GALNT18: variants seen among roughly 807,000 people sequenced by gnomAD.
GALNT18 encodes polypeptide N-acetylgalactosaminyltransferase 18.
A neutral mutation model predicts 69.5 loss-of-function variants in GALNT18; 44 were observed. The ratio of observed to expected loss-of-function variants is 0.63; its 90% CI spans 0.50 to 0.81. The LOEUF is 0.81. GALNT18 is among the 40% of genes least tolerant of loss of function. The pLI is 0.00. For missense variants in GALNT18, 715 were observed against 810.0 expected (o/e 0.88, Z 1.42); for synonymous variants, 364 against 318.2 (o/e 1.14, Z -1.53).
intron 1 of GALNT18, among the ~76,000 whole-genome samples, chr11:11,539,218 G>A (rs1040080691): frequency 6.6e-6 from 1 of 152,156 alleles, no homozygotes; most frequent in Non-Finnish European, 1.5e-5. Flanking sequence ...TGCCAGTAAG[G>A]CGCCCTTCCC....
chr11:11,485,699 C>T (rs1476595500), intron 1 of GALNT18, among the ~76,000 whole-genome samples: 1 of 152,152 alleles, frequency 6.6e-6, no homozygotes, highest in African/African-American at 2.4e-5. Flanking sequence ...GTGGACCAGA[C>T]AGCAAAAGAG....
intron 1 of GALNT18, among the ~76,000 whole-genome samples, chr11:11,556,785 TAGAAAAATGTGC>T (rs1858342842): frequency 6.6e-6 from 1 of 152,214 alleles, no homozygotes; most frequent in Non-Finnish European, 1.5e-5. Flanking sequence ...TTATGAGCAA[TAGAAAAATGTGC>T]AGTAAACTAC....
chr11:11,486,452 C>A (rs1345322791), intron 1 of GALNT18, among the ~76,000 whole-genome samples: 1 of 152,218 alleles, frequency 6.6e-6, no homozygotes, highest in Non-Finnish European at 1.5e-5. Flanking sequence ...AGGAGTAGAT[C>A]TGAAAGTTAA....
intron 10 of GALNT18, among the ~76,000 whole-genome samples, chr11:11,286,632 T>A (rs58671856): frequency 0.011 from 1,744 of 152,228 alleles, 34 homozygotes; most frequent in African/African-American, 0.041. Context: ...TGAATTTTTT[T>A]AAAAAGACTC....
At position 11,447,001 on chromosome 11, in the gene GALNT18, C is replaced by T. The variant is rs868713019; in HGVS notation, c.428+1743G>A. Among the ~76,000 whole-genome samples the T allele has an allele frequency of 3.3e-4, 50 of 152,234 alleles. 1 individual carries two copies. The highest frequency in any genetic ancestry group is 1.1e-3 in the African/African-American group (45 of 41,530). ...GCATCAGGATTGTTTTTTAAGGCTCCCGTGATGTGTAGAATGGGCAGCAAG... is the reference window on the plus strand; with the variant it reads ...GCATCAGGATTGTTTTTTAAGGCTCTCGTGATGTGTAGAATGGGCAGCAAG... On this transcript the variant is annotated intron_variant, in intron 2 of 10. Transcript: ENST00000227756.
chr11:11,280,986 G>A (rs1849060431), intron 10 of GALNT18, among the ~76,000 whole-genome samples: 1 of 152,190 alleles, frequency 6.6e-6, no homozygotes, highest in Admixed American at 6.5e-5. Flanking sequence ...AAAACCCTGT[G>A]GCCTGGGCAT....
At chr11:11,426,078 G>A (rs74344524) in intron 3 of GALNT18, among the ~76,000 whole-genome samples, 3,619 of 152,260 alleles carry the variant, frequency 0.024, 125 homozygotes, top group African/African-American at 0.082. Context: ...CATGGCCTTC[G>A]AGCTGCAGAG....
intron 1 of GALNT18, among the ~76,000 whole-genome samples, chr11:11,581,458 A>G (rs1011250007): frequency 2.0e-5 from 3 of 151,964 alleles, no homozygotes. Context: ...ATTTCCTGCT[A>G]TTTTTGAGGT....
intron 8 of GALNT18, among the ~76,000 whole-genome samples, chr11:11,329,304 A>G (rs756697699): frequency 1.3e-5 from 2 of 152,004 alleles, no homozygotes; most frequent in Non-Finnish European, 2.9e-5. Context: ...GAATGCATCT[A>G]TGTGTCAGGT....
chr11:11,321,593 A>G (rs1849840319), intron 9 of GALNT18, among the ~76,000 whole-genome samples: 1 of 152,008 alleles, frequency 6.6e-6, no homozygotes, highest in South Asian at 2.1e-4. Context: ...CCAACAGTTT[A>G]TGAGTAGGTT....
At chr11:11,481,488 G>C (rs1856529264) in intron 1 of GALNT18, among the ~76,000 whole-genome samples, 1 of 152,246 alleles carries the variant, frequency 6.6e-6, no homozygotes, top group African/African-American at 2.4e-5. Context: ...TCCTGATGGT[G>C]ACACTCAGTG....
chr11:11,517,144 T>C (rs540661073), intron 1 of GALNT18, among the ~76,000 whole-genome samples: 1 of 152,360 alleles, frequency 6.6e-6, no homozygotes, highest in Admixed American at 6.5e-5. Flanking sequence ...GCTTTGATCT[T>C]GGACTTCCAG....
At chr11:11,572,118 T>G (rs1437266519) in intron 1 of GALNT18, among the ~76,000 whole-genome samples, 1 of 152,266 alleles carries the variant, frequency 6.6e-6, no homozygotes, top group African/African-American at 2.4e-5. Context: ...CAAGCAGGCC[T>G]GTGCCGCAGG....
rs1854137855 is a variant in GALNT18 at position 11,389,697 on chromosome 11, G to C, written c.596-10433C>G. Among the ~76,000 whole-genome samples the C allele has an allele frequency of 6.6e-6, 1 of 152,142 alleles. No homozygotes were observed. The highest frequency in any genetic ancestry group is 1.5e-5 in the Non-Finnish European group (1 of 68,030). ...GTCCTCCCATGAGCTTCTAGGGAGG[G>C]CGTACCAAGAACTCAAAGCCTTGGG... On this transcript the variant is annotated intron_variant, in intron 3 of 10. Coordinates refer to ENST00000227756, the MANE Select transcript of GALNT18 (RefSeq NM_198516.3). The surrounding 1 kb of genome is among the most constrained non-coding windows in gnomAD (Gnocchi z 4.3).
At chr11:11,352,737 A>G (rs894353821) in intron 6 of GALNT18, 2 of 1,614,006 alleles carry the variant, frequency 1.2e-6, no homozygotes, top group Admixed American at 1.7e-5. Flanking sequence ...ATAGTCTGTT[A>G]ACGTCTGGTA....
rs987508901 is a variant in GALNT18 at position 11,564,638 on chromosome 11, T to G, written c.235+56721A>C. Reference sequence around the variant, plus strand: ...TCCAGAACAAATTGGTAGCTAATGATGTTGGTTGGAATTTAATACCAACTT... The same window carrying G: ...TCCAGAACAAATTGGTAGCTAATGAGGTTGGTTGGAATTTAATACCAACTT... On this transcript the variant is annotated intron_variant, in intron 1 of 10. Transcript: ENST00000227756. The surrounding 1 kb of genome is among the most constrained non-coding windows in gnomAD (Gnocchi z 4.3). Among the ~76,000 whole-genome samples, 1 of 152,174 alleles carries G rather than the reference T, an allele frequency of 6.6e-6. No homozygotes were observed. Among genetic ancestry groups the G allele is most frequent in the African/African-American group, 2.4e-5 (1 of 41,434 alleles).
At chr11:11,336,926 C>T (rs1426391337) in intron 7 of GALNT18, among the ~76,000 whole-genome samples, 1 of 152,114 alleles carries the variant, frequency 6.6e-6, no homozygotes, top group Non-Finnish European at 1.5e-5. Flanking sequence ...AGAGGGGCCT[C>T]ATTCTTCTTA....
At chr11:11,272,417 A>T (rs1486207696) in intron 10 of GALNT18, among the ~76,000 whole-genome samples, 2 of 152,136 alleles carry the variant, frequency 1.3e-5, no homozygotes, top group Non-Finnish European at 2.9e-5. Flanking sequence ...AGGCAGGAGT[A>T]GTGATCTTTC....
intron 1 of GALNT18, among the ~76,000 whole-genome samples, chr11:11,530,792 C>G (rs561901753): frequency 2.6e-5 from 4 of 152,306 alleles, no homozygotes; most frequent in African/African-American, 9.6e-5. Flanking sequence ...GCACCACAAA[C>G]GTACTGTCCA....
Sources: gnomAD v4.1 joint callset for allele counts (sites outside exome capture counted in the v4.1 genomes callset) on GRCh38, gnomAD v4.1.1 for gene constraint, Gnocchi (gnomAD v3.1) non-coding constraint, MANE v1.5 for transcripts, NCBI Gene and HGNC (gene_info 2026-07-23, HGNC 2026-07-21) for gene names.